DCC: variants seen among roughly 807,000 people sequenced by gnomAD.
DCC encodes netrin receptor DCC.
DCC carries 58 observed loss-of-function variants against 172.5 expected under a neutral mutation model. That is an observed-to-expected ratio of 0.34 (90% CI 0.27 to 0.42). The LOEUF (loss-of-function observed/expected upper bound fraction) is 0.42. DCC is among the 10% of genes least tolerant of loss of function. The pLI, the probability that DCC is intolerant of heterozygous loss-of-function variation, is 1.00. For synonymous variants in DCC, 709 were observed against 644.5 expected, an observed-to-expected ratio of 1.10 and a Z score of -1.52; for missense variants, 1,740 against 1,791.0, an observed-to-expected ratio of 0.97 and a Z score of 0.51.
At chr18:53,427,409 T>A (rs924492739) in intron 21 of DCC, among the ~76,000 whole-genome samples, 2 of 152,122 alleles carry the variant, frequency 1.3e-5, no homozygotes, top group African/African-American at 4.8e-5. Flanking sequence ...TTATGTTTTA[T>A]TCTATTAAGA....
At chr18:53,223,644 T>A (rs2055977035) in intron 12 of DCC, among the ~76,000 whole-genome samples, 2 of 152,182 alleles carry the variant, frequency 1.3e-5, no homozygotes, top group Admixed American at 1.3e-4. Flanking sequence ...ATGAATAAGT[T>A]CAGCCCTACC....
intron 1 of DCC, 126 bp from the exon 2 acceptor site, chr18:52,751,928 T>C: frequency 1.3e-6 from 1 of 780,834 alleles, no homozygotes; most frequent in Non-Finnish European, 2.1e-6. Flanking sequence ...TTAGTTTTTA[T>C]TTATTCTTGG....
chr18:53,525,132 G>A (rs2046440598), intron 27 of DCC, among the ~76,000 whole-genome samples: 1 of 151,950 alleles, frequency 6.6e-6, no homozygotes, highest in South Asian at 2.1e-4. Context: ...CAAATTACTA[G>A]TATCATTCCT....
chr18:52,860,837 A>G (rs1447329323), intron 2 of DCC, among the ~76,000 whole-genome samples: 1 of 151,928 alleles, frequency 6.6e-6, no homozygotes, highest in Admixed American at 6.6e-5. Flanking sequence ...ATCTCTACTA[A>G]AAATACAGAA....
intron 27 of DCC, among the ~76,000 whole-genome samples, chr18:53,517,981 C>T (rs1445951371): frequency 1.3e-5 from 2 of 152,088 alleles, no homozygotes; most frequent in African/African-American, 2.4e-5. Flanking sequence ...CACAAAGTTT[C>T]CCATACATAT....
At chr18:52,789,568 A>T (rs2037721899) in intron 2 of DCC, among the ~76,000 whole-genome samples, 1 of 152,198 alleles carries the variant, frequency 6.6e-6, no homozygotes. Flanking sequence ...AGCAGTTAAG[A>T]TTTTCAGCTT....
intron 5 of DCC, among the ~76,000 whole-genome samples, chr18:52,985,511 T>C (rs1568228107): frequency 6.6e-6 from 1 of 152,162 alleles, no homozygotes; most frequent in African/African-American, 2.4e-5. Context: ...CTAGGAATCT[T>C]TGGAGACCTG....
intron 16 of DCC, 43 bp from the exon 17 acceptor site, chr18:53,391,612 C>T (rs12604262): frequency 0.49 from 589,668 of 1,211,656 alleles, 152,437 homozygotes; most frequent in Non-Finnish European, 0.54. Context: ...CTTTTATTTA[C>T]GTATTTATTT....
chr18:52,902,467 G>C (rs148640850), intron 2 of DCC, among the ~76,000 whole-genome samples: 126 of 152,236 alleles, frequency 8.3e-4, no homozygotes, highest in African/African-American at 2.9e-3. Flanking sequence ...GGTTGAGCAG[G>C]TAACTATTTT....
chr18:52,521,515 C>T (rs67217145), intron 1 of DCC, among the ~76,000 whole-genome samples: 19,828 of 152,048 alleles, frequency 0.13, 1,413 homozygotes, highest in South Asian at 0.22. Flanking sequence ...TACTGTGTGC[C>T]TACATGGCCC....
At chr18:53,518,454 TAGC>T (rs1311813909) in intron 27 of DCC, among the ~76,000 whole-genome samples, 2 of 152,144 alleles carry the variant, frequency 1.3e-5, no homozygotes, top group Non-Finnish European at 2.9e-5. Context: ...AGAGAGATGC[TAGC>T]AGGAGTCTGC....
intron 1 of DCC, among the ~76,000 whole-genome samples, chr18:52,688,013 T>A (rs1308965164): frequency 1.3e-5 from 2 of 151,882 alleles, no homozygotes; most frequent in African/African-American, 4.9e-5. Context: ...TCCACTGAAC[T>A]ATAAGGAAAC....
chr18:53,161,769 G>C (rs777403569), intron 8 of DCC, among the ~76,000 whole-genome samples: 1 of 151,946 alleles, frequency 6.6e-6, no homozygotes, highest in Non-Finnish European at 1.5e-5. Context: ...TTCATAGCTC[G>C]TAGTTAATTT....
At chr18:52,781,255 G>A (rs2037536614) in intron 2 of DCC, among the ~76,000 whole-genome samples, 2 of 152,082 alleles carry the variant, frequency 1.3e-5, no homozygotes, top group Non-Finnish European at 2.9e-5. Context: ...GCAGGCAAAG[G>A]AAGTCATAGA....
chr18:53,427,279 T>C (rs1400034070), intron 21 of DCC, among the ~76,000 whole-genome samples: 1 of 152,102 alleles, frequency 6.6e-6, no homozygotes, highest in Non-Finnish European at 1.5e-5. Flanking sequence ...CTTAGACCCC[T>C]AGGATGACTG....
At chr18:53,234,114 G>C (rs2144621872) in intron 12 of DCC, among the ~76,000 whole-genome samples, 1 of 152,294 alleles carries the variant, frequency 6.6e-6, no homozygotes, top group East Asian at 1.9e-4. Flanking sequence ...TCTGGGCATG[G>C]TGAGGCATGC....
In DCC at chr18:52,909,240, A is replaced by G. The variant is rs77849934; in HGVS notation, c.697+2912A>G. Among the ~76,000 whole-genome samples the G allele has an allele frequency of 2.2e-4, 34 of 152,314 alleles. No individual in the cohort carries two copies. In the East Asian group the frequency reaches 5.4e-3, roughly 24 times the overall value. ...GGCAGTAATAAATTACATATATAAT[A>G]CATATGTGTGTATACATGTTAATAC... On this transcript the variant is annotated intron_variant, in intron 3 of 28. Coordinates refer to ENST00000442544, the MANE Select transcript of DCC (RefSeq NM_005215.4).
At chr18:53,055,660 T>G (rs894887863) in intron 5 of DCC, among the ~76,000 whole-genome samples, 2 of 152,152 alleles carry the variant, frequency 1.3e-5, no homozygotes, top group Non-Finnish European at 2.9e-5. Flanking sequence ...GACACTCGTA[T>G]GGAGAATCAA....
chr18:52,530,646 A>AT (rs929585373), intron 1 of DCC, among the ~76,000 whole-genome samples: 1 of 152,162 alleles, frequency 6.6e-6, no homozygotes, highest in African/African-American at 2.4e-5. Context: ...TAAAAATATC[A>AT]TTTTTTCAGG....
Sources: gnomAD v4.1 joint callset for allele counts (sites outside exome capture counted in the v4.1 genomes callset) on GRCh38, gnomAD v4.1.1 for gene constraint, MANE v1.5 for transcripts, NCBI Gene and HGNC (gene_info 2026-07-23, HGNC 2026-07-21) for gene names.